The following METTL15 variants were observed in gnomAD, a reference collection of about 807,000 sequenced individuals.
METTL15 encodes methyltransferase 15, mitochondrial 12S rRNA N4-cytidine.
METTL15 carries 34 observed loss-of-function variants against 38.3 expected under a neutral mutation model. That is an observed-to-expected ratio of 0.89 (90% CI 0.68 to 1.18). METTL15 has a LOEUF of 1.18. METTL15 is among the 50% of genes most tolerant of loss of function. The pLI is 0.00. For missense variants in METTL15, 438 were observed against 498.4 expected (o/e 0.88, Z 1.15); for synonymous variants, 162 against 170.9 (o/e 0.95, Z 0.41).
intron 6 of METTL15, among the ~76,000 whole-genome samples, chr11:28,317,229 C>G (rs1857511980): frequency 6.6e-6 from 1 of 152,002 alleles, no homozygotes; most frequent in Non-Finnish European, 1.5e-5. Context: ...AAATGAGACT[C>G]TGAAGAAGTT....
chr11:28,293,072 T>C (rs1856584904), intron 5 of METTL15, among the ~76,000 whole-genome samples: 1 of 152,188 alleles, frequency 6.6e-6, no homozygotes, highest in Non-Finnish European at 1.5e-5. Context: ...AGATCCCATT[T>C]GTCAATTTTG....
intron 6 of METTL15, among the ~76,000 whole-genome samples, chr11:28,515,506 G>C (rs1851712289): frequency 6.6e-6 from 1 of 152,094 alleles, no homozygotes; most frequent in African/African-American, 2.4e-5. Flanking sequence ...GGCAGGAGTT[G>C]GTAACTTACA....
chr11:28,274,121 C>CTAAAAGAAA, intron 4 of METTL15, among the ~76,000 whole-genome samples: 1 of 151,970 alleles, frequency 6.6e-6, no homozygotes, highest in East Asian at 1.9e-4. Context: ...TAGAGTGTGG[C>CTAAAAGAAA]TAAAAGAAAT....
intron 6 of METTL15, among the ~76,000 whole-genome samples, chr11:28,494,934 G>A (rs910912538): frequency 2.0e-5 from 3 of 152,046 alleles, no homozygotes; most frequent in Non-Finnish European, 4.4e-5. Flanking sequence ...CTAATACAGA[G>A]AAAATAATGG....
intron 6 of METTL15, among the ~76,000 whole-genome samples, chr11:28,297,638 G>A (rs937178003): frequency 7.9e-5 from 12 of 152,084 alleles, no homozygotes; most frequent in African/African-American, 2.9e-4. Context: ...TTTCACAGCT[G>A]TGTTCCGTGA....
chr11:28,211,071 G>C lies in METTL15; in HGVS notation c.280G>C (p.Asp94His). The change falls in exon 4 of 7, where the codon GAT (aspartate) becomes CAT (histidine). Residue 94 changes from aspartate (D) to histidine (H), a missense_variant. Physicochemically the swap from Asp to His is moderately conservative, Grantham distance 81. Coordinates refer to ENST00000407364, the MANE Select transcript of METTL15 (RefSeq NM_001113528.2). The stretch of plus-strand genomic sequence containing the variant: ...TTTCTGTGTTTGCTAGATTTTTCTA[G>C]ATATGACATTTGGTTCGGGAGGGCA... ...LSPQKGQIFL[D>H]MTFGSGGHTK... The C allele has an allele frequency of 6.2e-7, 1 of 1,606,590 alleles. No homozygotes were observed. Among genetic ancestry groups the C allele is most frequent in the African/African-American group, 1.3e-5 (1 of 74,628 alleles).
intron 4 of METTL15, among the ~76,000 whole-genome samples, chr11:28,277,194 T>G (rs1366173196): frequency 6.6e-6 from 1 of 152,072 alleles, no homozygotes; most frequent in East Asian, 1.9e-4. Context: ...AAACTACAAA[T>G]AGAATTACCA....
intron 4 of METTL15, among the ~76,000 whole-genome samples, chr11:28,275,517 G>A (rs1426638111): frequency 6.6e-6 from 1 of 151,664 alleles, no homozygotes; most frequent in Non-Finnish European, 1.5e-5. Context: ...GCTGAATTCT[G>A]CCAATGCAAA....
At position 28,288,300 on chromosome 11, in the gene METTL15, A is replaced by G. The variant is rs1021562476; in HGVS notation, c.408-1906A>G. 3.3e-5 allele frequency among the ~76,000 whole-genome samples: 5 copies of G among 152,176 alleles called. No individual in the cohort carries two copies. The South Asian group carries it at 8.3e-4, about 25-fold the overall frequency. ...GTCAGAAATACCATTCAACCCAGCA[A>G]TGCCACCACTGGGTATATACCCAAA... On this transcript the variant is annotated intron_variant, in intron 4 of 6. Transcript: ENST00000407364.
At chr11:28,444,758 C>T (rs1269848159) in intron 6 of METTL15, among the ~76,000 whole-genome samples, 1 of 152,188 alleles carries the variant, frequency 6.6e-6, no homozygotes, top group Non-Finnish European at 1.5e-5. Flanking sequence ...AGTTTCTATC[C>T]TCCCTTCCAA....
chr11:28,451,260 A>T (rs1851117961), intron 6 of METTL15, among the ~76,000 whole-genome samples: 1 of 152,084 alleles, frequency 6.6e-6, no homozygotes, highest in Non-Finnish European at 1.5e-5. Flanking sequence ...GGAGATTAAC[A>T]GGAGAGAAAA....
At chr11:28,208,629 C>T (rs529503363) in intron 3 of METTL15, among the ~76,000 whole-genome samples, 1 of 152,234 alleles carries the variant, frequency 6.6e-6, no homozygotes, top group Non-Finnish European at 1.5e-5. Context: ...ATTAGGTCCG[C>T]TTTGTGCAGA....
intron 3 of METTL15, among the ~76,000 whole-genome samples, chr11:28,152,808 A>G (rs1485712680): frequency 6.6e-6 from 1 of 152,018 alleles, no homozygotes; most frequent in South Asian, 2.1e-4. Flanking sequence ...CTATAGGCAG[A>G]GCAGCCCTAA....
At chr11:28,482,758 C>G (rs138547233) in intron 6 of METTL15, among the ~76,000 whole-genome samples, 103 of 152,244 alleles carry the variant, frequency 6.8e-4, no homozygotes, top group East Asian at 7.7e-4. Context: ...CTTGGGCCTA[C>G]CTACGGAGTC....
chr11:28,282,784 T>A (rs1466452495), intron 4 of METTL15, among the ~76,000 whole-genome samples: 1 of 152,144 alleles, frequency 6.6e-6, no homozygotes, highest in Non-Finnish European at 1.5e-5. Flanking sequence ...AGCTTCCCAA[T>A]GTGTAAGTGA....
At chr11:28,140,002 T>C (rs770593957) in intron 3 of METTL15, among the ~76,000 whole-genome samples, 9 of 152,136 alleles carry the variant, frequency 5.9e-5, no homozygotes, top group Non-Finnish European at 1.2e-4. Context: ...CTGCAGCTCA[T>C]TCCTGCCCCA....
At chr11:28,376,318 CT>C in intron 5 of METTL15, among the ~76,000 whole-genome samples, 1 of 151,578 alleles carries the variant, frequency 6.6e-6, no homozygotes, top group Non-Finnish European at 1.5e-5. Flanking sequence ...CTTTGTAGGT[CT>C]CAGGACTTGC....
At position 28,246,487 on chromosome 11, in the gene METTL15, G is replaced by A. The variant is rs145477665; in HGVS notation, c.407+35289G>A. Among the ~76,000 whole-genome samples, 692 of 152,154 alleles carry A rather than the reference G, an allele frequency of 4.5e-3. 9 individuals carry two copies. The highest frequency in any genetic ancestry group is 0.014 in the African/African-American group (597 of 41,522). On this transcript the variant is annotated intron_variant, in intron 4 of 6. Coordinates refer to ENST00000407364, the MANE Select transcript of METTL15 (RefSeq NM_001113528.2). ...CTGAGACATTAGGAGTGCAGTAAGC[G>A]AGCAACTTTTGTACATCATAACATT... is the stretch of plus-strand genomic sequence containing the variant.
chr11:28,367,889 C>A (rs1850202101), intron 5 of METTL15, among the ~76,000 whole-genome samples: 1 of 151,940 alleles, frequency 6.6e-6, no homozygotes, highest in African/African-American at 2.4e-5. Flanking sequence ...AACTGGCTAG[C>A]CATATGCAGA....
Sources: allele counts gnomAD v4.1 joint callset (sites outside exome capture counted in the v4.1 genomes callset), GRCh38; gene constraint gnomAD v4.1.1; transcripts MANE v1.5; gene names NCBI Gene and HGNC (gene_info 2026-07-23, HGNC 2026-07-21).